FES: variants seen among roughly 807,000 people sequenced by gnomAD.
FES encodes the protein tyrosine-protein kinase Fes/Fps.
Under a neutral mutation model 109.6 loss-of-function variants are expected in FES, and 83 were observed. The ratio of observed to expected loss-of-function variants is 0.76; its 90% CI spans 0.63 to 0.91. FES has a LOEUF of 0.91. FES is among the 40% of genes least tolerant of loss of function. FES has a pLI of 0.00. For missense variants in FES, 943 were observed against 1,070.9 expected (o/e 0.88, Z 1.67); for synonymous variants, 458 against 442.1 (o/e 1.04, Z -0.45).
At chr15:90,893,490 C>T in intron 16 of FES, 76 bp downstream of exon 16, 3 of 1,501,760 alleles carry the variant, frequency 2.0e-6, no homozygotes, top group Admixed American at 2.3e-5. Flanking sequence ...CTAGGGCCCC[C>T]CGCTGGACCA....
At chr15:90,891,532 C>A in intron 11 of FES, 22 bp from the exon 12 acceptor site, 2 of 1,613,058 alleles carry the variant, frequency 1.2e-6, no homozygotes, top group South Asian at 1.1e-5. Context: ...AGGCTGCTGA[C>A]CCCGGGTCCC....
At position 90,893,984 on chromosome 15, in the gene FES, G is replaced by C; in HGVS notation, c.2252G>C (p.Trp751Ser). 6.2e-7 allele frequency: 1 copy of C among 1,613,880 alleles called. No individual in the cohort carries two copies. Among genetic ancestry groups the C allele is most frequent in the Non-Finnish European group, 8.5e-7 (1 of 1,180,008 alleles). The change falls in exon 18 of 19, where the codon TGG becomes TCG. Residue 751 changes from tryptophan to serine, a missense_variant. Trp to Ser is a radical substitution (Grantham distance 177, BLOSUM62 -3). Coordinates refer to ENST00000328850, the MANE Select transcript of FES (RefSeq NM_002005.4). ...GTGTGGAGCTTTGGCATCTTGCTCT[G>C]GGAGACCTTCAGCCTGGGGGCCTCC... ...SDVWSFGILL[W>S]ETFSLGASPY... is the part of the protein sequence containing the mutation.
Position 90,890,415 on chromosome 15 carries a change from G to A in FES, c.1251G>A (p.Glu417=), listed in dbSNP as rs147101703. Residue 417 remains glutamate, a synonymous_variant, in exon 10 of 19, where the codon GAG becomes GAA. Transcript: ENST00000328850. ...HSTSSSEQER[E]GGRTPTLEIL... is the part of the protein sequence containing the mutation. ...CCTGGCCTCAGGAGCAGGAGCGAGA[G>A]GGGGGAAGGACACCCACGCTGGAGA... 1.0e-3 allele frequency: 1,684 copies of A among 1,612,998 alleles called. No homozygotes were observed. Among genetic ancestry groups the A allele is most frequent in the Non-Finnish European group, 1.3e-3 (1,504 of 1,179,900 alleles).
intron 2 of FES, 37 bp from the exon 3 acceptor site, chr15:90,885,375 T>C (rs2032481587): frequency 1.3e-6 from 2 of 1,598,292 alleles, no homozygotes; most frequent in Admixed American, 3.4e-5. Flanking sequence ...GGAGCCATTG[T>C]GCCCCCCTCC....
chr15:90,886,204 C>G (rs148604295), intron 3 of FES, among the ~76,000 whole-genome samples: 1 of 152,254 alleles, frequency 6.6e-6, no homozygotes, highest in African/African-American at 2.4e-5. Context: ...GGTGGCCACC[C>G]TGGCCCCATT....
chr15:90,893,224 G>A lies in FES; in HGVS notation c.1921+30G>A, dbSNP rs745548304. 4.3e-6 allele frequency: 7 copies of A among 1,613,480 alleles called. No homozygotes were observed. In the South Asian group the frequency reaches 7.7e-5, roughly 18 times the overall value. On this transcript the variant is annotated intron_variant, in intron 15 of 18. Transcript: ENST00000328850. ...GCGCGGGGCGCTGAGCTCCAGGTAG[G>A]GCGCGCAGCCTGGTCAGGTGGCAGC...
chr15:90,895,354 G>A, intron 18 of FES, 62 bp from the exon 19 acceptor site: 8 of 1,404,274 alleles, frequency 5.7e-6, no homozygotes, highest in Non-Finnish European at 7.5e-6. Context: ...GTATCCCCCA[G>A]AGTCTGCCGA....
chr15:90,892,596 G>T, intron 13 of FES, 111 bp from the exon 14 acceptor site: 4 of 920,810 alleles, frequency 4.3e-6, no homozygotes, highest in Non-Finnish European at 6.6e-6. Flanking sequence ...CTGGGTGAGG[G>T]GTCCGAACAC....
At position 90,895,698 on chromosome 15, in the gene FES, C is replaced by A; in HGVS notation, c.*140C>A. The A allele has an allele frequency of 4.4e-6, 3 of 677,584 alleles. No individual in the cohort carries two copies. Among genetic ancestry groups the A allele is most frequent in the Non-Finnish European group, 4.5e-6 (2 of 447,672 alleles). The allele number at this position is 677,584 out of a possible 1,614,324, so 42.0% of individuals were successfully genotyped here. On this transcript the variant is annotated 3_prime_UTR_variant, in exon 19 of 19. Transcript: ENST00000328850. Reference sequence around the variant, plus strand: ...CCACACTGCCGGCAGGATGCAGCGCCGTGTCCTCTCTGTGTCCCTGCTGCT... The same window carrying A: ...CCACACTGCCGGCAGGATGCAGCGCAGTGTCCTCTCTGTGTCCCTGCTGCT...
rs2033220583 is a variant in FES, at chr15:90,891,566, C to T, written c.1543C>T (p.Leu515=). 1.9e-6 allele frequency: 3 copies of T among 1,613,874 alleles called. No homozygotes were observed. The highest frequency in any genetic ancestry group is 2.5e-6 in the Non-Finnish European group (3 of 1,179,984). The change falls in exon 12 of 19, where the codon CTG becomes TTG. Residue 515 remains leucine, a synonymous_variant. Coordinates refer to ENST00000328850, the MANE Select transcript of FES (RefSeq NM_002005.4). ...CCCTGCCCTGCAGAACCTGTACCGA[C>T]TGGAAGGGGAAGGCTTTCCTAGCAT... ...IIQSLDNLYR[L]EGEGFPSIPL... is the part of the protein sequence containing the mutation.
rs778987961 is a variant in FES, at chr15:90,893,896, G to A, written c.2204-40G>A. ...GCTGCCTCGCCCTGGCCCCAGGGAG[G>A]GTGCACTCACGCTGCCTCACCTCCT... On this transcript the variant is annotated intron_variant, in intron 17 of 18. Coordinates refer to ENST00000328850, the MANE Select transcript of FES (RefSeq NM_002005.4). The A allele has an allele frequency of 5.0e-6, 8 of 1,612,176 alleles. No individual in the cohort carries two copies. In the East Asian group the frequency reaches 1.8e-4, roughly 36 times the overall value.
chr15:90,890,170 G>A lies in FES; in HGVS notation c.1128G>A (p.Lys376=). Residue 376 remains lysine, a synonymous_variant, in exon 9 of 19, where the codon AAG becomes AAA. Coordinates refer to ENST00000328850, the MANE Select transcript of FES (RefSeq NM_002005.4). ...GLQVALCSQA[K]LQAQQELLQT... ...AGGTAGCGCTGTGCAGCCAGGCCAA[G>A]CTGCAGGCCCAGCAGGAGTTGCTGC... 6.2e-7 allele frequency: 1 copy of A among 1,600,216 alleles called. No individual in the cohort carries two copies. The highest frequency in any genetic ancestry group is 8.5e-7 in the Non-Finnish European group (1 of 1,178,262).
At chr15:90,884,989 C>G (rs1405221358) in intron 1 of FES, 48 bp from the exon 2 acceptor site, 8 of 1,484,356 alleles carry the variant, frequency 5.4e-6, no homozygotes, top group Admixed American at 1.9e-5. Context: ...ATGCCTCCGT[C>G]TCCAGCTGCT....
chr15:90,887,386 C>T lies in FES; in HGVS notation c.668+16C>T, dbSNP rs754861288. On this transcript the variant is annotated intron_variant, in intron 5 of 18. Transcript: ENST00000328850. ...CTTGCATCCTGTAAGCCCGCAGCCCCGTCCCCTGGCCCCCACCCTTGAGCA... is the reference window on the plus strand; with the variant it reads ...CTTGCATCCTGTAAGCCCGCAGCCCTGTCCCCTGGCCCCCACCCTTGAGCA... The T allele has an allele frequency of 1.8e-5, 28 of 1,596,678 alleles. No homozygotes were observed. Among genetic ancestry groups the T allele is most frequent in the South Asian group, 4.5e-5 (4 of 89,862 alleles).
chr15:90,893,340 G>A lies in FES; in HGVS notation c.1971G>A (p.Val657=), dbSNP rs1310770551. 1.9e-6 allele frequency: 3 copies of A among 1,577,044 alleles called. No individual in the cohort carries two copies. Among genetic ancestry groups the A allele is most frequent in the Non-Finnish European group, 2.6e-6 (3 of 1,161,004 alleles). The part of the protein sequence containing the change: ...FLRTEGARLR[V]KTLLQMVGDA... ...GCACGGAGGGGGCCCGCCTGCGGGT[G>A]AAGACTCTGCTGCAGATGGTGGGGG... Residue 657 remains valine (V), a synonymous_variant, in exon 16 of 19, where the codon GTG becomes GTA. Transcript: ENST00000328850.
intron 14 of FES, 31 bp from the exon 15 acceptor site, chr15:90,893,069 C>T (rs542521542): frequency 1.2e-6 from 2 of 1,605,096 alleles, no homozygotes; most frequent in South Asian, 2.2e-5. Context: ...CGGGCCTGGC[C>T]ACGTAGATCC....
chr15:90,889,540 G>A lies in FES; in HGVS notation c.830G>A (p.Cys277Tyr), dbSNP rs200450083. The A allele has an allele frequency of 1.2e-6, 2 of 1,613,732 alleles. No homozygotes were observed. The highest frequency in any genetic ancestry group is 1.3e-5 in the African/African-American group (1 of 74,902). The change falls in exon 7 of 19, where the codon TGT (cysteine) becomes TAT (tyrosine). Residue 277 changes from cysteine to tyrosine, a missense_variant. Transcript: ENST00000328850. This position sits in a 1 kb window ranked among gnomAD's most constrained non-coding sequence, Gnocchi z 6.1. ...AGGTCCGCACCTGACGTCCCACCCT[G>A]TGTCACGTTCGATGAGTCACTGCTT... The part of the protein sequence containing the change: ...QYGSAPDVPP[C>Y]VTFDESLLEE...
chr15:90,889,575 G>A lies in FES; in HGVS notation c.865G>A (p.Glu289Lys). ...TFDESLLEEG[E>K]PLEPGELQLN... ...CGATGAGTCACTGCTTGAGGAGGGTGAACCGCTGGAGCCTGGGGAGCTCCA... is the reference window on the plus strand; with the variant it reads ...CGATGAGTCACTGCTTGAGGAGGGTAAACCGCTGGAGCCTGGGGAGCTCCA... The change falls in exon 7 of 19, where the codon GAA becomes AAA. Residue 289 changes from glutamate to lysine, a missense_variant. By Grantham distance (56) the Glu-to-Lys change is moderately conservative (BLOSUM62 1). Transcript: ENST00000328850. The surrounding 1 kb of genome is among the most constrained non-coding windows in gnomAD (Gnocchi z 6.1). 6.2e-7 allele frequency: 1 copy of A among 1,613,748 alleles called. No homozygotes were observed. The highest frequency in any genetic ancestry group is 8.5e-7 in the Non-Finnish European group (1 of 1,180,012).
intron 3 of FES, 38 bp from the exon 4 acceptor site, chr15:90,886,923 G>T: frequency 6.3e-7 from 1 of 1,594,110 alleles, no homozygotes; most frequent in South Asian, 1.1e-5. Context: ...CACAACTGGG[G>T]ACCTGCTGCC....
Sources: allele counts gnomAD v4.1 joint callset (sites outside exome capture counted in the v4.1 genomes callset), GRCh38; gene constraint gnomAD v4.1.1; non-coding constraint Gnocchi (gnomAD v3.1); transcripts MANE v1.5; gene names NCBI Gene and HGNC (gene_info 2026-07-23, HGNC 2026-07-21).